Variants in FNDC3A observed in about 807,000 individuals in gnomAD.
FNDC3A encodes the protein fibronectin type-III domain-containing protein 3A.
Under a neutral mutation model 148.9 loss-of-function variants are expected in FNDC3A, and 32 were observed. That is an observed-to-expected ratio of 0.21 (90% CI 0.16 to 0.29). The LOEUF is 0.29. Ranked by LOEUF, FNDC3A falls within the 10% of genes least tolerant of loss-of-function variation. FNDC3A has a pLI of 1.00. For synonymous variants in FNDC3A, 472 were observed against 473.6 expected (o/e 1.00, Z 0.04); for missense variants, 1,191 against 1,452.8 (o/e 0.82, Z 2.93).
At chr13:49,191,825 GA>G (rs1236162400) in intron 19 of FNDC3A, among the ~76,000 whole-genome samples, 2 of 151,432 alleles carry the variant, frequency 1.3e-5, no homozygotes, top group Admixed American at 6.6e-5. Flanking sequence ...TTGCCCAAAT[GA>G]AAAAAAACTT....
intron 23 of FNDC3A, among the ~76,000 whole-genome samples, chr13:49,199,563 C>T (rs191035624): frequency 7.4e-4 from 112 of 152,046 alleles, no homozygotes; most frequent in African/African-American, 2.0e-3. Context: ...CCTGACCTCC[C>T]GATCCACCTG....
chr13:49,087,019 G>A (rs947995325), intron 3 of FNDC3A, among the ~76,000 whole-genome samples: 3 of 152,088 alleles, frequency 2.0e-5, no homozygotes, highest in African/African-American at 7.2e-5. Context: ...TACTTTTCAA[G>A]AGAAAGTGTG....
At chr13:49,104,966 C>G (rs989999318) in intron 3 of FNDC3A, among the ~76,000 whole-genome samples, 1 of 152,110 alleles carries the variant, frequency 6.6e-6, no homozygotes, top group African/African-American at 2.4e-5. Flanking sequence ...CAATTAAGAA[C>G]TTTGGTACAT....
At chr13:48,986,385 G>GTTT (rs869031197) in intron 1 of FNDC3A, among the ~76,000 whole-genome samples, 9,619 of 54,328 alleles carry the variant, frequency 0.18, 3,746 homozygotes, top group East Asian at 0.21. Context: ...GAAGGAAGTT[G>GTTT]TTTTTTTTTT....
At chr13:49,099,402 C>G (rs1879724797) in intron 3 of FNDC3A, among the ~76,000 whole-genome samples, 1 of 152,102 alleles carries the variant, frequency 6.6e-6, no homozygotes, top group African/African-American at 2.4e-5. Flanking sequence ...TGGGAACTAA[C>G]TCCTTTCAGT....
At chr13:49,180,285 C>T (rs1212035917) in intron 14 of FNDC3A, among the ~76,000 whole-genome samples, 4 of 152,100 alleles carry the variant, frequency 2.6e-5, no homozygotes, top group African/African-American at 9.7e-5. Flanking sequence ...TGATAAAAGC[C>T]ACTGTAAATT....
intron 23 of FNDC3A, among the ~76,000 whole-genome samples, chr13:49,200,429 A>G (rs1326947655): frequency 6.6e-6 from 1 of 152,124 alleles, no homozygotes; most frequent in Admixed American, 6.5e-5. Flanking sequence ...TTGTAGCCTT[A>G]TCTCTACAAA....
At chr13:49,047,314 C>T (rs9535137) in intron 2 of FNDC3A, among the ~76,000 whole-genome samples, 13,694 of 152,072 alleles carry the variant, frequency 0.09, 689 homozygotes, top group Non-Finnish European at 0.12. Context: ...CAATGACTTC[C>T]TTTCCACTGG....
chr13:49,054,454 A>G (rs1876079109), intron 2 of FNDC3A, among the ~76,000 whole-genome samples: 3 of 152,214 alleles, frequency 2.0e-5, no homozygotes, highest in African/African-American at 7.2e-5. Flanking sequence ...AGTAAACTCA[A>G]ACTTCATTCA....
intron 3 of FNDC3A, among the ~76,000 whole-genome samples, chr13:49,113,874 T>G (rs1593607366): frequency 6.6e-6 from 1 of 152,154 alleles, no homozygotes; most frequent in African/African-American, 2.4e-5. Flanking sequence ...TCCAAATGCT[T>G]CTTTTGTTCC....
rs1566191764 is a variant in FNDC3A, at chr13:49,014,986, G to C, written c.99+8697G>C. Among the ~76,000 whole-genome samples the C allele has an allele frequency of 2.0e-5, 3 of 151,872 alleles. No homozygotes were observed. In the South Asian group the frequency reaches 6.3e-4, roughly 32 times the overall value. On this transcript the variant is annotated intron_variant, in intron 2 of 25. Transcript: ENST00000492622. ...TCTGTTTTGGTACCAGTACCATGCT[G>C]TTTTGGTTACTGTGGCCTTGTAGTA...
intron 15 of FNDC3A, 112 bp from the exon 16 acceptor site, chr13:49,187,010 G>A (rs938348833): frequency 3.1e-6 from 2 of 643,910 alleles, no homozygotes; most frequent in African/African-American, 1.8e-5. Flanking sequence ...TTAAGTCATT[G>A]CAGGTGATTT....
chr13:49,130,821 T>A lies in FNDC3A; in HGVS notation c.253-316T>A, dbSNP rs570040141. On this transcript the variant is annotated intron_variant, in intron 4 of 25. Coordinates refer to ENST00000492622, the MANE Select transcript of FNDC3A (RefSeq NM_001079673.2). ...TCTTGCTCTGTTGCCCAGGCTAGAG[T>A]GCAATGGTGCTATCTCGGCTCACTG... Among the ~76,000 whole-genome samples, 3 of 152,266 alleles carry A rather than the reference T, an allele frequency of 2.0e-5. No homozygotes were observed. The East Asian group carries it at 5.8e-4, about 29-fold the overall frequency.
intron 8 of FNDC3A, among the ~76,000 whole-genome samples, chr13:49,164,943 A>C (rs1884373710): frequency 6.6e-6 from 1 of 152,088 alleles, no homozygotes; most frequent in South Asian, 2.1e-4. Flanking sequence ...AGCTGTTTTT[A>C]GTCCTTTGTT....
chr13:49,025,439 C>G (rs1390977234), intron 2 of FNDC3A, among the ~76,000 whole-genome samples: 2 of 151,988 alleles, frequency 1.3e-5, no homozygotes, highest in Non-Finnish European at 2.9e-5. Context: ...AATACCTGTT[C>G]TTTAACTAGT....
chr13:49,061,316 T>C (rs1248896640), intron 2 of FNDC3A, among the ~76,000 whole-genome samples: 1 of 107,998 alleles, frequency 9.3e-6, no homozygotes, highest in African/African-American at 3.7e-5. Flanking sequence ...TTCCCTCTCT[T>C]CTCTTCCCTT....
chr13:49,169,142 A>C (rs1375653176), intron 10 of FNDC3A, among the ~76,000 whole-genome samples: 1 of 152,228 alleles, frequency 6.6e-6, no homozygotes, highest in Non-Finnish European at 1.5e-5. Context: ...GGAGGAATAA[A>C]GTTATTGTCA....
intron 2 of FNDC3A, among the ~76,000 whole-genome samples, chr13:49,062,220 G>A (rs2137745935): frequency 6.6e-6 from 1 of 152,292 alleles, no homozygotes; most frequent in Admixed American, 6.5e-5. Flanking sequence ...GAGTGAGAGT[G>A]AGCAAAAGTG....
rs573169867 is a variant in FNDC3A, at chr13:49,082,225, A to G, written c.175+6861A>G. 2.0e-5 allele frequency among the ~76,000 whole-genome samples: 3 copies of G among 152,070 alleles called. No individual in the cohort carries two copies. The South Asian group carries it at 6.2e-4, about 32-fold the overall frequency. On this transcript the variant is annotated intron_variant, in intron 3 of 25. Transcript: ENST00000492622. The stretch of plus-strand genomic sequence containing the variant: ...ACATGATGAAACCCTGTCTCTATTA[A>G]AAATACAAAAATTAGCTGGATGTGG...
Sources: allele counts gnomAD v4.1 joint callset (sites outside exome capture counted in the v4.1 genomes callset), GRCh38; gene constraint gnomAD v4.1.1; transcripts MANE v1.5; gene names NCBI Gene and HGNC (gene_info 2026-07-23, HGNC 2026-07-21).